EYA4: variants seen among roughly 807,000 people sequenced by gnomAD.
EYA4 encodes EYA transcriptional coactivator and phosphatase 4.
Under a neutral mutation model 87.9 loss-of-function variants are expected in EYA4, and 31 were observed. The ratio of observed to expected loss-of-function variants is 0.35; its 90% CI spans 0.27 to 0.48. The LOEUF (loss-of-function observed/expected upper bound fraction) is 0.48, where lower values mean the gene tolerates loss of function less well. Ranked by LOEUF, EYA4 falls within the 20% of genes least tolerant of loss-of-function variation. The pLI, the probability that EYA4 is intolerant of heterozygous loss-of-function variation, is 0.99. For synonymous variants in EYA4, 263 were observed against 270.6 expected (o/e 0.97, Z 0.28); for missense variants, 678 against 761.4 (o/e 0.89, Z 1.29).
chr6:133,496,596 G>C (rs1429289844), intron 13 of EYA4, among the ~76,000 whole-genome samples: 1 of 151,886 alleles, frequency 6.6e-6, no homozygotes, highest in Non-Finnish European at 1.5e-5. Context: ...AAGGAGCACT[G>C]AACTAAAAGT....
rs1177216933 is a variant in EYA4 at position 133,462,495 on chromosome 6, T to C, written c.580+18T>C. ...CACTTACGGTATTTCACATCTTCTG[T>C]TTTCTTCTTTGGTTATAGGCAGGTA... On this transcript the variant is annotated intron_variant, in intron 8 of 19. Transcript: ENST00000355286. 1 of 1,613,956 alleles carries C rather than the reference T, an allele frequency of 6.2e-7. No homozygotes were observed. Among genetic ancestry groups the C allele is most frequent in the South Asian group, 1.1e-5 (1 of 91,084 alleles).
At chr6:133,283,576 C>T (rs567908828) in intron 2 of EYA4, among the ~76,000 whole-genome samples, 1 of 152,236 alleles carries the variant, frequency 6.6e-6, no homozygotes, top group African/African-American at 2.4e-5. Context: ...GAAGAGTACA[C>T]TGAAGCAGAG....
At chr6:133,516,362 A>G (rs893653166) in intron 17 of EYA4, among the ~76,000 whole-genome samples, 6 of 152,076 alleles carry the variant, frequency 3.9e-5, no homozygotes, top group African/African-American at 1.4e-4. Flanking sequence ...ATGCACATGT[A>G]TCCCTGCACC....
chr6:133,408,955 C>T (rs1788972861), intron 3 of EYA4, among the ~76,000 whole-genome samples: 1 of 152,128 alleles, frequency 6.6e-6, no homozygotes, highest in South Asian at 2.1e-4. Flanking sequence ...AAAGAGTTCA[C>T]CTTCCACTCA....
intron 2 of EYA4, among the ~76,000 whole-genome samples, chr6:133,378,685 C>A (rs1407898351): frequency 2.6e-5 from 4 of 151,956 alleles, no homozygotes; most frequent in African/African-American, 7.2e-5. Context: ...GGAAAACACT[C>A]AAAAATTTTA....
At chr6:133,291,748 T>C (rs1258091879) in intron 2 of EYA4, among the ~76,000 whole-genome samples, 1 of 152,194 alleles carries the variant, frequency 6.6e-6, no homozygotes. Context: ...TAGCCACTTA[T>C]AAAAGTGGTC....
At chr6:133,472,387 C>T (rs1317420658) in intron 11 of EYA4, among the ~76,000 whole-genome samples, 1 of 96,000 alleles carries the variant, frequency 1.0e-5, no homozygotes, top group African/African-American at 5.0e-5. Context: ...GTTCAGTTTC[C>T]ATGTAGTTGA....
At position 133,256,961 on chromosome 6, in the gene EYA4, T is replaced by A. The variant is rs375904324; in HGVS notation, c.-66+15212T>A. On this transcript the variant is annotated intron_variant, in intron 1 of 19. Transcript: ENST00000355286. Reference sequence around the variant, plus strand: ...GGCTATCAATTTTTGTGGGGTTTTTTTTCCTGCAGAATTTCCTGTTATTCT... The same window carrying A: ...GGCTATCAATTTTTGTGGGGTTTTTATTCCTGCAGAATTTCCTGTTATTCT... 7.9e-5 allele frequency among the ~76,000 whole-genome samples: 12 copies of A among 152,256 alleles called. 1 individual carries two copies. Among genetic ancestry groups the A allele is most frequent in the African/African-American group, 2.9e-4 (12 of 41,574 alleles).
At chr6:133,510,317 T>C (rs1799035885) in intron 14 of EYA4, 1 of 157,700 alleles carries the variant, frequency 6.3e-6, no homozygotes, top group Non-Finnish European at 1.4e-5. Context: ...GTTATTTACA[T>C]GTGGAAAGAT....
At chr6:133,244,650 G>A (rs1410870579) in intron 1 of EYA4, among the ~76,000 whole-genome samples, 1 of 148,126 alleles carries the variant, frequency 6.8e-6, no homozygotes, top group Non-Finnish European at 1.5e-5. Context: ...GGAAAAACAA[G>A]TACTCCATTT....
chr6:133,516,622 G>A (rs1203434536), intron 17 of EYA4, among the ~76,000 whole-genome samples: 1 of 151,640 alleles, frequency 6.6e-6, no homozygotes, highest in Non-Finnish European at 1.5e-5. Flanking sequence ...TACTCGGGAG[G>A]CTGAGGCAGG....
At chr6:133,300,742 C>T (rs1779341359) in intron 2 of EYA4, among the ~76,000 whole-genome samples, 1 of 152,022 alleles carries the variant, frequency 6.6e-6, no homozygotes, top group African/African-American at 2.4e-5. Context: ...TGTATTATAA[C>T]TTTGTTTCTT....
At chr6:133,508,342 T>TA (rs1195039808) in intron 14 of EYA4, among the ~76,000 whole-genome samples, 7 of 143,620 alleles carry the variant, frequency 4.9e-5, no homozygotes, top group African/African-American at 1.4e-4. Flanking sequence ...ACAGAATGAT[T>TA]TTATATATAT....
chr6:133,399,033 T>C (rs182052282), intron 3 of EYA4, among the ~76,000 whole-genome samples: 33 of 152,302 alleles, frequency 2.2e-4, no homozygotes, highest in Admixed American at 1.8e-3. Context: ...TGCCTTCCCA[T>C]GTCTGCGGAC....
At chr6:133,265,732 A>G (rs1483649099) in intron 1 of EYA4, among the ~76,000 whole-genome samples, 1 of 152,224 alleles carries the variant, frequency 6.6e-6, no homozygotes, top group African/African-American at 2.4e-5. Flanking sequence ...ATTTCAAGGA[A>G]ATATAAAGCA....
rs556440027 is a variant in EYA4 at position 133,385,160 on chromosome 6, G to A, written c.83+2719G>A. On this transcript the variant is annotated intron_variant, in intron 3 of 19. Transcript: ENST00000355286. ...TAAAAAAACAAAAAATTAGCCAGGC[G>A]TGGTGGCAGGCGCCTGTAGTCCCAG... Among the ~76,000 whole-genome samples the A allele has an allele frequency of 4.6e-5, 7 of 151,710 alleles. No individual in the cohort carries two copies. In the South Asian group the frequency reaches 6.3e-4, roughly 14 times the overall value.
chr6:133,337,637 A>G (rs1056339942), intron 2 of EYA4, among the ~76,000 whole-genome samples: 5 of 152,220 alleles, frequency 3.3e-5, no homozygotes, highest in Non-Finnish European at 5.9e-5. Flanking sequence ...TAGTACATTA[A>G]TTTTGCACAA....
intron 13 of EYA4, among the ~76,000 whole-genome samples, chr6:133,491,879 G>A (rs1170889627): frequency 2.7e-5 from 4 of 150,684 alleles, no homozygotes; most frequent in African/African-American, 9.9e-5. Context: ...GTGAACCTGG[G>A]TGGCAGAGCT....
At chr6:133,332,959 G>C (rs985903319) in intron 2 of EYA4, among the ~76,000 whole-genome samples, 79 of 152,070 alleles carry the variant, frequency 5.2e-4, no homozygotes, top group African/African-American at 1.6e-3. Context: ...TTAGGCCCTA[G>C]CTTAGATGTC....
Sources: gnomAD v4.1 joint callset for allele counts (sites outside exome capture counted in the v4.1 genomes callset) on GRCh38, gnomAD v4.1.1 for gene constraint, MANE v1.5 for transcripts, NCBI Gene and HGNC (gene_info 2026-07-23, HGNC 2026-07-21) for gene names.